Variants in ANKRD55 observed in about 807,000 individuals in gnomAD.
The protein encoded by ANKRD55 is ankyrin repeat domain 55, also known as ankyrin repeat domain-containing protein 55.
ANKRD55 carries 41 observed loss-of-function variants against 60.6 expected under a neutral mutation model. The ratio of observed to expected loss-of-function variants is 0.68; its 90% confidence interval spans 0.53 to 0.88. The LOEUF is 0.88. Among genes scored for constraint, ANKRD55 ranks in the 40% least tolerant of loss-of-function variants. The pLI, the probability that ANKRD55 is intolerant of heterozygous loss-of-function variation, is 0.00. For missense variants in ANKRD55, 732 were observed against 767.6 expected (o/e 0.95, Z 0.55); for synonymous variants, 264 against 290.3 (o/e 0.91, Z 0.92).
At chr5:56,124,762 T>C (rs184335528) in intron 8 of ANKRD55, among the ~76,000 whole-genome samples, 50 of 152,312 alleles carry the variant, frequency 3.3e-4, no homozygotes, top group Non-Finnish European at 6.6e-4. Context: ...TGCCTCAGCC[T>C]CCCAAAGTGC....
chr5:56,172,254 T>C (rs1352631231), intron 4 of ANKRD55, among the ~76,000 whole-genome samples: 6 of 152,138 alleles, frequency 3.9e-5, no homozygotes, highest in Non-Finnish European at 8.8e-5. Context: ...AGAGTATAAA[T>C]ATTGAATATG....
chr5:56,188,343 C>A (rs1759020833), intron 2 of ANKRD55, among the ~76,000 whole-genome samples: 1 of 150,316 alleles, frequency 6.7e-6, no homozygotes. Context: ...TGCCCTGCCC[C>A]CGCAACCCCG....
At chr5:56,121,396 T>C (rs1224225750) in intron 8 of ANKRD55, among the ~76,000 whole-genome samples, 2 of 141,136 alleles carry the variant, frequency 1.4e-5, no homozygotes, top group Non-Finnish European at 3.0e-5. Context: ...TTTTTTGAGA[T>C]GGAGTCTCAC....
At chr5:56,198,880 C>T (rs1182205738) in intron 2 of ANKRD55, among the ~76,000 whole-genome samples, 2 of 151,844 alleles carry the variant, frequency 1.3e-5, no homozygotes, top group African/African-American at 2.4e-5. Context: ...GAGATCAAGA[C>T]CAACCTGGCT....
chr5:56,158,901 C>T (rs1171277791), intron 6 of ANKRD55, among the ~76,000 whole-genome samples: 2 of 152,178 alleles, frequency 1.3e-5, no homozygotes. Flanking sequence ...GCTCTGCTGC[C>T]CAGGCTGGTC....
chr5:56,102,030 G>C (rs924133856), intron 11 of ANKRD55, among the ~76,000 whole-genome samples: 2 of 152,030 alleles, frequency 1.3e-5, no homozygotes, highest in African/African-American at 4.8e-5. Flanking sequence ...TTAAAAAAAA[G>C]CTTTAAAGAT....
intron 2 of ANKRD55, among the ~76,000 whole-genome samples, chr5:56,207,177 A>G (rs952163895): frequency 6.6e-6 from 1 of 152,186 alleles, no homozygotes; most frequent in Non-Finnish European, 1.5e-5. Context: ...GCATGTAACA[A>G]CTACCTTTTC....
chr5:56,117,833 A>G (rs1171894467), intron 8 of ANKRD55, among the ~76,000 whole-genome samples: 2 of 151,938 alleles, frequency 1.3e-5, no homozygotes, highest in Non-Finnish European at 2.9e-5. Flanking sequence ...TCTTTCTTTC[A>G]TGATGTTATG....
chr5:56,204,852 G>A (rs1759462156), intron 2 of ANKRD55, among the ~76,000 whole-genome samples: 1 of 152,292 alleles, frequency 6.6e-6, no homozygotes, highest in East Asian at 1.9e-4. Flanking sequence ...ACTTTCTTCT[G>A]AATCAAATAC....
chr5:56,169,935 C>A (rs151244611), intron 5 of ANKRD55, among the ~76,000 whole-genome samples: 4 of 152,100 alleles, frequency 2.6e-5, no homozygotes, highest in African/African-American at 4.8e-5. Context: ...GAATGGGGAC[C>A]GAGGCCATGT....
chr5:56,122,345 T>C (rs981973317), intron 8 of ANKRD55, among the ~76,000 whole-genome samples: 1 of 152,146 alleles, frequency 6.6e-6, no homozygotes, highest in African/African-American at 2.4e-5. Flanking sequence ...CTACACATAG[T>C]TGTATTCAAG....
chr5:56,196,105 TG>T (rs1328217620), intron 2 of ANKRD55, among the ~76,000 whole-genome samples: 1 of 152,206 alleles, frequency 6.6e-6, no homozygotes, highest in Non-Finnish European at 1.5e-5. Flanking sequence ...TTTAAATTCT[TG>T]CTCCAACACT....
intron 10 of ANKRD55, among the ~76,000 whole-genome samples, chr5:56,105,140 G>T (rs908818426): frequency 3.4e-5 from 5 of 148,384 alleles, no homozygotes; most frequent in Admixed American, 1.4e-4. Context: ...AGGATGGAAT[G>T]CAGTAGTGCC....
chr5:56,189,080 C>T (rs1421073020), intron 2 of ANKRD55, among the ~76,000 whole-genome samples: 9 of 151,990 alleles, frequency 5.9e-5, no homozygotes, highest in Admixed American at 4.6e-4. Flanking sequence ...TATGAATGGA[C>T]TTTAATCATG....
intron 9 of ANKRD55, among the ~76,000 whole-genome samples, chr5:56,113,123 C>T (rs1161953693): frequency 6.6e-6 from 1 of 152,216 alleles, no homozygotes; most frequent in Non-Finnish European, 1.5e-5. Context: ...CCTCCTGTTA[C>T]AGCTTGTGCT....
chr5:56,131,619 A>C (rs1757414610), intron 7 of ANKRD55, among the ~76,000 whole-genome samples: 1 of 151,836 alleles, frequency 6.6e-6, no homozygotes, highest in African/African-American at 2.4e-5. Flanking sequence ...AATATGGAGA[A>C]ACCCCGTCTC....
At chr5:56,179,529 G>A (rs1307175989) in intron 3 of ANKRD55, among the ~76,000 whole-genome samples, 1 of 152,262 alleles carries the variant, frequency 6.6e-6, no homozygotes, top group Non-Finnish European at 1.5e-5. Context: ...TGTCAAAATT[G>A]TTAAATTCTG....
At chr5:56,110,973 T>A in intron 10 of ANKRD55, 145 bp downstream of exon 10, 2 of 920,402 alleles carry the variant, frequency 2.2e-6, no homozygotes, top group Non-Finnish European at 3.2e-6. Flanking sequence ...TCCAGTGCAC[T>A]TTGGGAGAAA....
At chr5:56,190,924 T>A (rs1759079652) in intron 2 of ANKRD55, among the ~76,000 whole-genome samples, 1 of 152,252 alleles carries the variant, frequency 6.6e-6, no homozygotes, top group Admixed American at 6.5e-5. Flanking sequence ...GACAGTTAAA[T>A]TTCAACACAA....
Sources: allele counts gnomAD v4.1 joint callset (sites outside exome capture counted in the v4.1 genomes callset), GRCh38; gene constraint gnomAD v4.1.1; transcripts MANE v1.5; gene names NCBI Gene and HGNC (gene_info 2026-07-23, HGNC 2026-07-21).